AKAP9: variants seen among roughly 807,000 people sequenced by gnomAD.
AKAP9 encodes A-kinase anchor protein 9.
AKAP9 carries 311 observed loss-of-function variants against 488.5 expected under a neutral mutation model. The observed-to-expected ratio is 0.64, with a 90% CI of 0.58 to 0.70. AKAP9 has a LOEUF of 0.70. Among genes scored for constraint, AKAP9 ranks in the 30% least tolerant of loss-of-function variants. The probability of loss-of-function intolerance (pLI) is 0.00; values close to 1 mark genes in which losing one functional copy is unlikely to be tolerated. For synonymous variants in AKAP9, 1,462 were observed against 1,483.5 expected (o/e 0.99, Z 0.33); for missense variants, 4,215 against 4,374.5 (o/e 0.96, Z 1.03).
Position 92,099,840 on chromosome 7 carries a change from T to C in AKAP9, c.10867T>C (p.Tyr3623His). The change falls in exon 44 of 50, where the codon TAT (tyrosine) becomes CAT (histidine). Residue 3623 changes from tyrosine to histidine, a missense_variant. Tyr to His is a moderately conservative substitution (Grantham distance 83, BLOSUM62 2). This residue lies in a region of AKAP9 where 74 missense variants were observed against 113.0 expected (regional missense o/e 0.65). Coordinates refer to ENST00000356239, the MANE Select transcript of AKAP9 (RefSeq NM_005751.5). ...VMKLEEQIRW[Y>H]RQTGAGRDNS... ...GAAGCTGGAAGAGCAGATCAGGTGG[T>C]ATCGACAGACAGGAGCTGGTAGAGA... 6.2e-7 allele frequency: 1 copy of C among 1,614,046 alleles called. No individual in the cohort carries two copies.
intron 29 of AKAP9, 36 bp from the exon 30 acceptor site, chr7:92,077,660 G>C: frequency 6.4e-7 from 1 of 1,564,844 alleles, no homozygotes; most frequent in Non-Finnish European, 8.8e-7. Flanking sequence ...GATAGGTAAT[G>C]ATATATCCAA....
Position 92,085,429 on chromosome 7 carries a change from G to A in AKAP9, c.8833-66G>A, listed in dbSNP as rs899315738. On this transcript the variant is annotated intron_variant, in intron 35 of 49. Transcript: ENST00000356239. ...TCTTGCTTAAAATTTATTTCTGTTT[G>A]TAAGTCTAATTTTTCAGTCTGTGAA... 2.8e-6 allele frequency: 4 copies of A among 1,435,362 alleles called. No homozygotes were observed. The African/African-American group carries it at 5.6e-5, about 20-fold the overall frequency. 88.9% of individuals were successfully genotyped at this position (1,435,362 alleles called of 1,614,324 possible).
chr7:92,003,975 A>T (rs1054160086), intron 8 of AKAP9, among the ~76,000 whole-genome samples: 2 of 152,216 alleles, frequency 1.3e-5, no homozygotes, highest in African/African-American at 4.8e-5. Context: ...AAGTACGAAT[A>T]TAGTGGCCAA....
intron 1 of AKAP9, among the ~76,000 whole-genome samples, chr7:91,962,720 A>AT (rs1793871674): frequency 6.6e-6 from 1 of 152,172 alleles, no homozygotes; most frequent in Non-Finnish European, 1.5e-5. Context: ...CTTAAAAGTG[A>AT]TTCGTTCTAA....
intron 1 of AKAP9, among the ~76,000 whole-genome samples, chr7:91,956,399 CAAAAA>C (rs554292233): frequency 0.016 from 1,776 of 108,114 alleles, 18 homozygotes; most frequent in Middle Eastern, 0.018. Flanking sequence ...GACTCTGTCT[CAAAAA>C]AAAAAAAAAA....
chr7:92,042,326 T>C (rs748109873), intron 19 of AKAP9, 140 bp downstream of exon 19: 186 of 1,142,738 alleles, frequency 1.6e-4, no homozygotes, highest in Non-Finnish European at 2.3e-4. Context: ...GTAAGGTAGG[T>C]GGAGTCAAAA....
chr7:92,096,588 C>T (rs186199543), intron 40 of AKAP9, 101 bp from the exon 41 acceptor site: 6 of 1,338,180 alleles, frequency 4.5e-6, no homozygotes, highest in East Asian at 5.0e-5. Context: ...CTGCCCGCCT[C>T]GGCCTCCCAA....
intron 21 of AKAP9, among the ~76,000 whole-genome samples, chr7:92,051,237 G>A (rs752058770): frequency 1.6e-4 from 24 of 152,146 alleles, no homozygotes; most frequent in South Asian, 4.1e-4. Context: ...AGTTCCCATC[G>A]TATCACACTG....
chr7:92,004,196 G>A (rs1799518609), intron 8 of AKAP9, among the ~76,000 whole-genome samples: 1 of 152,134 alleles, frequency 6.6e-6, no homozygotes, highest in Admixed American at 6.6e-5. Context: ...ATGCTGTTTT[G>A]GTTACTGTAG....
chr7:91,992,456 G>T (rs1485930160), intron 4 of AKAP9, among the ~76,000 whole-genome samples: 1 of 152,050 alleles, frequency 6.6e-6, no homozygotes, highest in African/African-American at 2.4e-5. Context: ...CTGAGATAAG[G>T]AGTTCGAGAC....
intron 1 of AKAP9, among the ~76,000 whole-genome samples, chr7:91,945,336 G>A (rs749909725): frequency 1.3e-5 from 2 of 152,180 alleles, no homozygotes; most frequent in Admixed American, 1.3e-4. Flanking sequence ...GCAAAACCCC[G>A]TCTCTACTAA....
At chr7:92,082,423 A>T in intron 31 of AKAP9, 99 bp from the exon 32 acceptor site, 4 of 1,302,566 alleles carry the variant, frequency 3.1e-6, no homozygotes. Context: ...ATCTGTAGGC[A>T]GTCATTCCTT....
intron 27 of AKAP9, among the ~76,000 whole-genome samples, 183 bp downstream of exon 27, chr7:92,070,389 TTTG>T (rs878913286): frequency 2.4e-3 from 344 of 140,576 alleles, no homozygotes; most frequent in African/African-American, 7.9e-3. Flanking sequence ...GGAAGAGTTT[TTTG>T]TTGTTGTTGT....
At chr7:92,065,774 A>G (rs941417181) in intron 25 of AKAP9, among the ~76,000 whole-genome samples, 1 of 152,186 alleles carries the variant, frequency 6.6e-6, no homozygotes, top group Non-Finnish European at 1.5e-5. Flanking sequence ...TTATTTAACC[A>G]CAGACTAAGA....
intron 2 of AKAP9, among the ~76,000 whole-genome samples, chr7:91,979,300 A>G (rs1341887232): frequency 2.6e-5 from 4 of 152,132 alleles, no homozygotes; most frequent in Admixed American, 2.0e-4. Flanking sequence ...CACATCTTAC[A>G]TGGCAGCAGA....
Position 92,097,327 on chromosome 7 carries a change from TAGA to T in AKAP9, c.10373_10375del (p.Arg3458del), listed in dbSNP as rs757087367. 3.1e-6 allele frequency: 5 copies of T among 1,613,450 alleles called. No individual in the cohort carries two copies. The African/African-American group carries it at 5.3e-5, about 17-fold the overall frequency. On this transcript the variant is annotated inframe_deletion, in exon 41 of 50. Coordinates refer to ENST00000356239, the MANE Select transcript of AKAP9 (RefSeq NM_005751.5). ...TAGAACGAGAAGAAAAACGAGAAAG[TAGA>T]AGAATTCTGTATCAGAACCTTAATG...
chr7:92,061,610 AT>A (rs1809834487), intron 23 of AKAP9, among the ~76,000 whole-genome samples, 188 bp downstream of exon 23: 1 of 142,738 alleles, frequency 7.0e-6, no homozygotes, highest in African/African-American at 2.6e-5. Flanking sequence ...ATATATATAT[AT>A]ATATATATAA....
intron 7 of AKAP9, among the ~76,000 whole-genome samples, chr7:91,998,915 GA>G (rs1324531435): frequency 1.3e-5 from 2 of 152,086 alleles, no homozygotes; most frequent in African/African-American, 4.8e-5. Flanking sequence ...TTGTATGGAT[GA>G]AAACACTGGG....
At chr7:92,027,245 CAT>C (rs759665946) in intron 14 of AKAP9, among the ~76,000 whole-genome samples, 22 of 140,646 alleles carry the variant, frequency 1.6e-4, no homozygotes, top group South Asian at 2.3e-4. Flanking sequence ...CCCGGCTGCC[CAT>C]CGTCTGGGAA....
Sources: gnomAD v4.1 joint callset for allele counts (sites outside exome capture counted in the v4.1 genomes callset) on GRCh38, gnomAD v4.1.1 for gene constraint, gnomAD v4.1.1 regional missense constraint, MANE v1.5 for transcripts, NCBI Gene and HGNC (gene_info 2026-07-23, HGNC 2026-07-21) for gene names.